ABCB4: variants seen among roughly 807,000 people sequenced by gnomAD.
ABCB4 encodes the protein ATP binding cassette subfamily B member 4.
Under a neutral mutation model 145.7 loss-of-function variants are expected in ABCB4, and 76 were observed. The ratio of observed to expected loss-of-function variants is 0.52; its 90% CI spans 0.43 to 0.63. The LOEUF (loss-of-function observed/expected upper bound fraction) is 0.63, where lower values mean the gene tolerates loss of function less well. Among genes scored for constraint, ABCB4 ranks in the 30% least tolerant of loss-of-function variants. ABCB4 has a pLI of 0.00. For synonymous variants in ABCB4, 517 were observed against 566.8 expected (o/e 0.91, Z 1.25); for missense variants, 1,234 against 1,553.1 (o/e 0.79, Z 3.45).
At chr7:87,433,672 G>GT (rs1267010855) in intron 14 of ABCB4, among the ~76,000 whole-genome samples, 5 of 118,206 alleles carry the variant, frequency 4.2e-5, no homozygotes, top group African/African-American at 2.2e-4. Flanking sequence ...AAAAATTGTT[G>GT]TTGTTTTTTT....
downstream of ABCB4, chr7:87,398,469 C>T: frequency 6.2e-7 from 1 of 1,600,906 alleles, no homozygotes; most frequent in Non-Finnish European, 8.5e-7. Context: ...GTTGTATTCA[C>T]CATCACTATT....
chr7:87,418,496 A>G, intron 20 of ABCB4, 41 bp downstream of exon 20: 1 of 1,575,446 alleles, frequency 6.3e-7, no homozygotes, highest in Non-Finnish European at 8.7e-7. Flanking sequence ...ATCTAAAACC[A>G]TGTTATGTAA....
chr7:87,447,333 G>C (rs1401525108), intron 8 of ABCB4, 128 bp from the exon 9 acceptor site: 3 of 856,168 alleles, frequency 3.5e-6, no homozygotes, highest in Non-Finnish European at 5.5e-6. Context: ...CCCATGGTGA[G>C]ACCCAGATCT....
chr7:87,469,587 G>C (rs954647514), intron 3 of ABCB4, among the ~76,000 whole-genome samples: 2 of 152,032 alleles, frequency 1.3e-5, no homozygotes, highest in Non-Finnish European at 2.9e-5. Flanking sequence ...AACAGACAGA[G>C]AGCCAAATCA....
upstream of ABCB4, chr7:87,475,751 C>T (rs563192312): frequency 6.2e-5 from 21 of 336,776 alleles, no homozygotes; most frequent in South Asian, 9.6e-4. Flanking sequence ...CCACGCGCGT[C>T]CGGCCCGGGA....
In ABCB4 at chr7:87,475,487, A is replaced by T; in HGVS notation, c.-6-16T>A. The T allele has an allele frequency of 6.2e-7, 1 of 1,613,854 alleles. No individual in the cohort carries two copies. The highest frequency in any genetic ancestry group is 1.1e-5 in the South Asian group (1 of 91,064). On this transcript the variant is annotated splice_polypyrimidine_tract_variant and intron_variant, in intron 1 of 27. Transcript: ENST00000649586. ...CCATCTCAGCCTGAGGAGAAACCAC[A>T]GCCTCAGAACCAAGTACACCCTCTC...
rs556520544 is a variant in ABCB4, at chr7:87,403,027, G to A, written c.3633+108C>T. ...ATAAAAATAAAAACCACTATCTAAC[G>A]TTCTGTGTTTTTCCCCCTGTGCTTG... On this transcript the variant is annotated intron_variant, in intron 27 of 27. Transcript: ENST00000649586. 80 of 1,224,204 alleles carry A rather than the reference G, an allele frequency of 6.5e-5. No individual in the cohort carries two copies. The East Asian group carries it at 9.1e-4, about 14-fold the overall frequency. 75.8% of individuals were successfully genotyped at this position (1,224,204 alleles called of 1,614,324 possible). A position where few individuals can be genotyped will look rare whatever the true frequency, so the allele number is the denominator to read the frequency against.
rs1807802682 is a variant in ABCB4, at chr7:87,401,835, TG to T, written c.*260del. On this transcript the variant is annotated 3_prime_UTR_variant, in exon 28 of 28. Transcript: ENST00000649586. Reference sequence around the variant, plus strand: ...TATATTTCTACACCTGTACTTACCTTGAATTTTGTTCTTTTTCTGGATGTTT... The same window carrying T: ...TATATTTCTACACCTGTACTTACCTTAATTTTGTTCTTTTTCTGGATGTTT... 1.6e-6 allele frequency: 1 copy of T among 609,938 alleles called. No individual in the cohort carries two copies. The highest frequency in any genetic ancestry group is 3.0e-6 in the Non-Finnish European group (1 of 331,868). 37.8% of individuals were successfully genotyped at this position (609,938 alleles called of 1,614,324 possible).
intron 16 of ABCB4, among the ~76,000 whole-genome samples, chr7:87,424,335 C>T (rs1261376402): frequency 1.3e-5 from 2 of 152,170 alleles, no homozygotes; most frequent in Non-Finnish European, 2.9e-5. Flanking sequence ...GTAGCAGGAT[C>T]TGGGCACAAA....
chr7:87,433,628 C>A, intron 14 of ABCB4, among the ~76,000 whole-genome samples: 2 of 146,442 alleles, frequency 1.4e-5, no homozygotes, highest in African/African-American at 5.1e-5. Context: ...CACCTTTGAC[C>A]AAGAGAAGTT....
the ABCB4 span, among the ~76,000 whole-genome samples, chr7:87,376,894 A>G: frequency 6.6e-6 from 1 of 152,150 alleles, no homozygotes; most frequent in African/African-American, 2.4e-5. Context: ...AATATTGATT[A>G]TGATGCACTG....
intron 2 of ABCB4, among the ~76,000 whole-genome samples, chr7:87,473,912 C>A (rs1813615760): frequency 6.6e-6 from 1 of 152,122 alleles, no homozygotes; most frequent in African/African-American, 2.4e-5. Context: ...GTGCCATGGG[C>A]AATAGCAACA....
chr7:87,395,746 C>G, the ABCB4 span, among the ~76,000 whole-genome samples: 1 of 152,120 alleles, frequency 6.6e-6, no homozygotes, highest in Admixed American at 6.6e-5. Flanking sequence ...CCCTGGCCAC[C>G]CAGAACCCCA....
intron 6 of ABCB4, 120 bp from the exon 7 acceptor site, chr7:87,451,914 A>G: frequency 2.2e-6 from 2 of 899,956 alleles, no homozygotes; most frequent in Non-Finnish European, 3.7e-6. Context: ...CCTCTTTCAG[A>G]GTCTTAGCCT....
At chr7:87,406,562 AT>A (rs1562949385) in intron 25 of ABCB4, 68 bp from the exon 26 acceptor site, 6 of 1,552,988 alleles carry the variant, frequency 3.9e-6, no homozygotes, top group Admixed American at 1.8e-5. Flanking sequence ...AAGTTACTAG[AT>A]TGTCCATTTG....
At position 87,439,688 on chromosome 7, in the gene ABCB4, C is replaced by A; in HGVS notation, c.1710G>T (p.Glu570Asp). 1 of 1,614,138 alleles carries A rather than the reference C, an allele frequency of 6.2e-7. No homozygotes were observed. Among genetic ancestry groups the A allele is most frequent in the Non-Finnish European group, 8.5e-7 (1 of 1,180,012 alleles). The part of the protein sequence containing the change: ...TSALDTESEA[E>D]VQAALDKARE... ...TGACCTTATCCAGAGCTGCCTGTAC[C>A]TCAGCTTCACTTTCTGTGTCCAATG... The change falls in exon 14 of 28, where the codon GAG becomes GAT. Residue 570 changes from glutamate to aspartate, a missense_variant. Physicochemically the swap from Glu to Asp is conservative, Grantham distance 45. Transcript: ENST00000649586.
rs558950830 is a variant in ABCB4 at position 87,446,419 on chromosome 7, A to T, written c.1005+615T>A. Among the ~76,000 whole-genome samples the T allele has an allele frequency of 6.6e-5, 10 of 152,350 alleles. No individual in the cohort carries two copies. In the East Asian group the frequency reaches 1.9e-3, roughly 29 times the overall value. The stretch of plus-strand genomic sequence containing the variant: ...AGTTTTGAAAGAAAACAATGTGTAT[A>T]TATATAGAAAATGACCTGGAAGATA... On this transcript the variant is annotated intron_variant, in intron 9 of 27. Transcript: ENST00000649586.
At chr7:87,423,866 T>C (rs779687478) in intron 17 of ABCB4, 40 bp downstream of exon 17, 6 of 1,613,160 alleles carry the variant, frequency 3.7e-6, no homozygotes, top group Non-Finnish European at 3.4e-6. Flanking sequence ...GCTGATGAAT[T>C]GATCTAATTC....
At chr7:87,394,292 CTT>C in the ABCB4 span, among the ~76,000 whole-genome samples, 30 of 152,134 alleles carry the variant, frequency 2.0e-4, no homozygotes, top group Non-Finnish European at 3.5e-4. Flanking sequence ...CAGTTTGTCT[CTT>C]TAGCAGATCA....
Sources: allele counts gnomAD v4.1 joint callset (sites outside exome capture counted in the v4.1 genomes callset), GRCh38; gene constraint gnomAD v4.1.1; transcripts MANE v1.5; gene names NCBI Gene and HGNC (gene_info 2026-07-23, HGNC 2026-07-21).